Variants in ASAP3 observed in about 807,000 individuals in gnomAD.
ASAP3 encodes the protein arf-GAP with SH3 domain, ANK repeat and PH domain-containing protein 3.
A neutral mutation model predicts 118.2 loss-of-function variants in ASAP3; 85 were observed. The observed-to-expected ratio is 0.72, with a 90% CI of 0.60 to 0.86. The LOEUF (loss-of-function observed/expected upper bound fraction) is 0.86, where lower values mean the gene tolerates loss of function less well. Among genes scored for constraint, ASAP3 ranks in the 40% least tolerant of loss-of-function variants. The probability of loss-of-function intolerance (pLI) is 0.00; values close to 1 mark genes in which losing one functional copy is unlikely to be tolerated. For missense variants in ASAP3, 1,026 were observed against 1,175.0 expected (o/e 0.87, Z 1.85); for synonymous variants, 432 against 477.4 (o/e 0.90, Z 1.24).
At chr1:23,460,639 G>A (rs116162409) in intron 1 of ASAP3, among the ~76,000 whole-genome samples, 1 of 152,130 alleles carries the variant, frequency 6.6e-6, no homozygotes, top group Non-Finnish European at 1.5e-5. Context: ...ATGCAAAATG[G>A]TACAGCCACT....
intron 1 of ASAP3, among the ~76,000 whole-genome samples, chr1:23,462,780 CA>C (rs1397533758): frequency 6.6e-6 from 1 of 152,048 alleles, no homozygotes; most frequent in Non-Finnish European, 1.5e-5. Context: ...AAAAAAGACA[CA>C]ATCTCAGCTC....
chr1:23,432,092 C>T (rs1191187901), intron 22 of ASAP3, among the ~76,000 whole-genome samples, 174 bp from the exon 23 acceptor site: 6 of 150,690 alleles, frequency 4.0e-5, no homozygotes, highest in Admixed American at 2.6e-4. Context: ...TTGCAACCTC[C>T]GCCTCCCAGG....
intron 23 of ASAP3, 122 bp downstream of exon 23, chr1:23,431,574 T>C: frequency 1.1e-6 from 1 of 949,868 alleles, no homozygotes; most frequent in Non-Finnish European, 1.5e-6. Context: ...GCATAAGTGA[T>C]GGGCCCAGAG....
At chr1:23,446,721 A>T (rs1196976316) in intron 5 of ASAP3, among the ~76,000 whole-genome samples, 1 of 152,172 alleles carries the variant, frequency 6.6e-6, no homozygotes, top group East Asian at 1.9e-4. Flanking sequence ...TACAGGCATG[A>T]GCCACCATGC....
chr1:23,482,200 G>A (rs1642327381), intron 1 of ASAP3, among the ~76,000 whole-genome samples: 1 of 152,210 alleles, frequency 6.6e-6, no homozygotes, highest in African/African-American at 2.4e-5. Flanking sequence ...GAGATCTGCC[G>A]ATTAATCTGA....
At chr1:23,440,899 T>A (rs571001286) in intron 10 of ASAP3, among the ~76,000 whole-genome samples, 3 of 151,854 alleles carry the variant, frequency 2.0e-5, no homozygotes, top group African/African-American at 7.2e-5. Flanking sequence ...CTATTCTTCT[T>A]CTTTAACTTA....
chr1:23,445,869 C>T (rs769430921), intron 5 of ASAP3, among the ~76,000 whole-genome samples: 1 of 151,406 alleles, frequency 6.6e-6, no homozygotes, highest in Non-Finnish European at 1.5e-5. Flanking sequence ...TAAGTCCCAG[C>T]GACATGGGAG....
intron 1 of ASAP3, among the ~76,000 whole-genome samples, chr1:23,469,742 GGTA>G (rs1272748066): frequency 6.6e-6 from 1 of 152,168 alleles, no homozygotes; most frequent in East Asian, 1.9e-4. Context: ...AACTCTGTGA[GGTA>G]GTTATTATCC....
At chr1:23,442,976 G>A (rs1640926793) in intron 5 of ASAP3, among the ~76,000 whole-genome samples, 2 of 152,248 alleles carry the variant, frequency 1.3e-5, no homozygotes, top group African/African-American at 4.8e-5. Flanking sequence ...CGAGTGCCAA[G>A]ATGGAGAGGG....
chr1:23,451,661 CT>C, intron 4 of ASAP3, 133 bp from the exon 5 acceptor site: 1 of 963,284 alleles, frequency 1.0e-6, no homozygotes, highest in Non-Finnish European at 1.6e-6. Context: ...TAACCAGCCC[CT>C]GCCCCCACAG....
At position 23,433,253 on chromosome 1, in the gene ASAP3, G is replaced by A. The variant is rs745800960; in HGVS notation, c.2147C>T (p.Pro716Leu). 13 of 1,608,038 alleles carry A rather than the reference G, an allele frequency of 8.1e-6. No individual in the cohort carries two copies. Among genetic ancestry groups the A allele is most frequent in the Admixed American group, 1.7e-5 (1 of 59,038 alleles). The change falls in exon 22 of 25, where the codon CCG becomes CTG. Residue 716 changes from proline (P) to leucine (L), a missense_variant. Physicochemically the swap from Pro to Leu is moderately conservative, Grantham distance 98. Transcript: ENST00000336689. ...CCCACTGGCCCAGTGAGCCTGGGCC[G>A]GGAGCTTCAGCAAGCAGCGCTGCCA... is the stretch of plus-strand genomic sequence containing the variant. ...EEEKRCLLKL[P>L]AQAHWASGRL... is the part of the protein sequence containing the mutation.
At chr1:23,445,389 G>T (rs1558135823) in intron 5 of ASAP3, among the ~76,000 whole-genome samples, 1 of 151,988 alleles carries the variant, frequency 6.6e-6, no homozygotes, top group African/African-American at 2.4e-5. Flanking sequence ...TACTCAAAAG[G>T]TTGAGGTAGG....
rs764370584 is a variant in ASAP3 at position 23,439,231 on chromosome 1, C to T, written c.945-1G>A. ...CCTTTTCTGCCAGACTCTTCGAATTCTAAAGCCCAGAGGGATAGAAGGACA... is the reference window on the plus strand; with the variant it reads ...CCTTTTCTGCCAGACTCTTCGAATTTTAAAGCCCAGAGGGATAGAAGGACA... On this transcript the variant is annotated splice_acceptor_variant, in intron 10 of 24. Transcript: ENST00000336689. LOFTEE classifies it high-confidence loss of function. The T allele has an allele frequency of 9.3e-6, 15 of 1,613,948 alleles. No homozygotes were observed. The highest frequency in any genetic ancestry group is 1.3e-5 in the Non-Finnish European group (15 of 1,179,966).
intron 5 of ASAP3, among the ~76,000 whole-genome samples, chr1:23,445,993 AAAG>A (rs908616151): frequency 3.3e-5 from 5 of 152,122 alleles, no homozygotes; most frequent in African/African-American, 4.8e-5. Flanking sequence ...GAAAAAAAAA[AAAG>A]AAGAAGGAAT....
chr1:23,460,518 A>C (rs56017582), intron 1 of ASAP3, among the ~76,000 whole-genome samples: 1 of 138,464 alleles, frequency 7.2e-6, no homozygotes, highest in Non-Finnish European at 1.7e-5. Context: ...AAAAAAAAAA[A>C]AAAAAAAACC....
In ASAP3 at chr1:23,433,512, C is replaced by T. The variant is rs761074462; in HGVS notation, c.2040G>A (p.Gly680=). 2.5e-6 allele frequency: 4 copies of T among 1,614,162 alleles called. No homozygotes were observed. Among genetic ancestry groups the T allele is most frequent in the Non-Finnish European group, 3.4e-6 (4 of 1,180,036 alleles). ...CCACATGTAGAGGGAAGGCAAAGGTCCCCGCCTGGGCCTGCTCCAGCTGCC... is the reference window on the plus strand; with the variant it reads ...CCACATGTAGAGGGAAGGCAAAGGTTCCCGCCTGGGCCTGCTCCAGCTGCC... The part of the protein sequence containing the change: ...CEELLEQAQA[G]TFAFPLHVDY... Residue 680 remains glycine (G), a synonymous_variant, in exon 21 of 25, where the codon GGG becomes GGA. Transcript: ENST00000336689.
At position 23,436,175 on chromosome 1, in the gene ASAP3, T is replaced by C. The variant is rs77206819; in HGVS notation, c.1572-147A>G. ...ATCTGAGGCTCCCCTCTCCCCAGGC[T>C]TTTTTTTTAGACAGTCTCACTCTAT... On this transcript the variant is annotated intron_variant, in intron 16 of 24. Transcript: ENST00000336689. This position sits in a 1 kb window ranked among gnomAD's most constrained non-coding sequence, Gnocchi z 4.2. 1 of 796,988 alleles carries C rather than the reference T, an allele frequency of 1.3e-6. No individual in the cohort carries two copies. The highest frequency in any genetic ancestry group is 1.9e-5 in the South Asian group (1 of 53,938). The allele number at this position is 796,988 out of a possible 1,614,324, so 49.4% of individuals were successfully genotyped here. A position where few individuals can be genotyped will look rare whatever the true frequency, so the allele number is the denominator to read the frequency against.
chr1:23,433,088 T>C lies in ASAP3; in HGVS notation c.2312A>G (p.His771Arg), dbSNP rs531491670. 2 of 1,613,874 alleles carry C rather than the reference T, an allele frequency of 1.2e-6. No individual in the cohort carries two copies. The highest frequency in any genetic ancestry group is 2.2e-5 in the East Asian group (1 of 44,888). Residue 771 changes from histidine (H) to arginine (R), a missense_variant, in exon 22 of 25, where the codon CAT (histidine) becomes CGT (arginine). Physicochemically the swap from His to Arg is conservative, Grantham distance 29. Transcript: ENST00000336689. ...SRTLVQGCAR[H>R]ASGDRSEVSS... is the part of the protein sequence containing the mutation. Reference sequence around the variant, plus strand: ...GCATCCAACTGTACCTCCACTGGCATGTCTTGCACACCCTTGGACCAAAGT... The same window carrying C: ...GCATCCAACTGTACCTCCACTGGCACGTCTTGCACACCCTTGGACCAAAGT...
chr1:23,451,550 T>C, intron 4 of ASAP3, 22 bp from the exon 5 acceptor site: 1 of 1,613,462 alleles, frequency 6.2e-7, no homozygotes, highest in South Asian at 1.1e-5. Flanking sequence ...AAAAGGACAA[T>C]TTGCCCAGAG....
Sources: allele counts gnomAD v4.1 joint callset (sites outside exome capture counted in the v4.1 genomes callset), GRCh38; gene constraint gnomAD v4.1.1; non-coding constraint Gnocchi (gnomAD v3.1); transcripts MANE v1.5; gene names NCBI Gene and HGNC (gene_info 2026-07-23, HGNC 2026-07-21).